Variants in MUC4 observed in about 807,000 individuals in gnomAD.
The protein encoded by MUC4 is mucin 4, cell surface associated, also known as mucin-4.
A neutral mutation model predicts 257.9 loss-of-function variants in MUC4; 202 were observed. The ratio of observed to expected loss-of-function variants is 0.78; its 90% CI spans 0.70 to 0.88. The LOEUF (loss-of-function observed/expected upper bound fraction) is 0.88. Among genes scored for constraint, MUC4 ranks in the 40% least tolerant of loss-of-function variants. MUC4 has a pLI of 0.00. For synonymous variants in MUC4, 2,351 were observed against 2,757.1 expected (o/e 0.85, Z 4.62); for missense variants, 5,976 against 6,513.7 (o/e 0.92, Z 2.84).
At chr3:195,776,354 CCCATACCTTCCACAG>C (rs1724717256) in intron 3 of MUC4, among the ~76,000 whole-genome samples, 1 of 57,574 alleles carries the variant, frequency 1.7e-5, no homozygotes. Context: ...ACCTTCCACA[CCCATACCTTCCACAG>C]CCATACCTTC....
rs200229624 is a variant in MUC4 at position 195,781,619 on chromosome 3, C to G, written c.9961G>C (p.Ala3321Pro). 4.6e-6 allele frequency: 2 copies of G among 438,398 alleles called. No individual in the cohort carries two copies. The highest frequency in any genetic ancestry group is 3.0e-5 in the African/African-American group (1 of 32,938). The allele number at this position is 438,398 out of a possible 1,614,324, so 27.2% of individuals were successfully genotyped here. The change falls in exon 2 of 25, where the codon GCA (alanine) becomes CCA (proline). Residue 3321 changes from alanine (A) to proline (P), a missense_variant. Ala to Pro is a conservative substitution (Grantham distance 27). Around this residue, in one of 44 missense-constraint regions of MUC4, gnomAD observed 72 missense variants for 33.5 expected, o/e 2.15. Transcript: ENST00000463781. ...TPLLVTDASS[A>P]STGHATPLHV... is the part of the protein sequence containing the mutation. The stretch of plus-strand genomic sequence containing the variant: ...AGAGGGGTGGCGTGACCTGTGGATG[C>G]TGAGGAAGCGTCGGTGACAAGAAGA...
In MUC4 at chr3:195,751,430, G is replaced by C. The variant is rs1181671312; in HGVS notation, c.15583-159C>G. The C allele has an allele frequency of 2.8e-5, 18 of 647,244 alleles. 1 individual carries two copies. In the East Asian group the frequency reaches 4.9e-4, roughly 18 times the overall value. 40.1% of individuals were successfully genotyped at this position (647,244 alleles called of 1,614,324 possible). A position where few individuals can be genotyped will look rare whatever the true frequency, so the allele number is the denominator to read the frequency against. The stretch of plus-strand genomic sequence containing the variant: ...CCTGTCTCTGCACCCTTGCACTCTA[G>C]CCTAGCTCAGTGAGTGTCATGGGTC... On this transcript the variant is annotated intron_variant, in intron 21 of 24. Transcript: ENST00000463781.
chr3:195,783,152 A>T lies in MUC4; in HGVS notation c.8428T>A (p.Ser2810Thr). 7.4e-7 allele frequency: 1 copy of T among 1,357,818 alleles called. No individual in the cohort carries two copies. The highest frequency in any genetic ancestry group is 1.4e-5 in the South Asian group (1 of 71,672). 84.1% of individuals were successfully genotyped at this position (1,357,818 alleles called of 1,614,324 possible). ...GGAAGAGAGGTGGCGTGACCTGTGG[A>T]CACTGACGAAGCGTCGGTGACAGGA... ...PLPVTDASSV[S>T]TGHATSLPVT... Residue 2810 changes from serine (S) to threonine (T), a missense_variant, in exon 2 of 25, where the codon TCC becomes ACC. Coordinates refer to ENST00000463781, the MANE Select transcript of MUC4 (RefSeq NM_018406.7).
intron 19 of MUC4, 97 bp downstream of exon 19, chr3:195,754,116 G>A: frequency 7.0e-7 from 1 of 1,437,082 alleles, no homozygotes; most frequent in Non-Finnish European, 9.4e-7. Context: ...AAGATCTGCT[G>A]GAAAAAGGAG....
chr3:195,759,745 C>A (rs139146163), intron 16 of MUC4, among the ~76,000 whole-genome samples: 6 of 152,136 alleles, frequency 3.9e-5, no homozygotes, highest in Admixed American at 3.9e-4. Flanking sequence ...CATGGTGAAA[C>A]CCTGTCTCTA....
intron 1 of MUC4, among the ~76,000 whole-genome samples, chr3:195,798,272 A>G (rs1394307218): frequency 6.6e-6 from 1 of 152,252 alleles, no homozygotes; most frequent in African/African-American, 2.4e-5. Context: ...ACAAAATTGT[A>G]CAACTGCATT....
chr3:195,752,515 G>C, intron 20 of MUC4, 69 bp from the exon 21 acceptor site: 1 of 1,416,996 alleles, frequency 7.1e-7, no homozygotes, highest in South Asian at 1.2e-5. Context: ...AAGTCTGTCG[G>C]GCCAGCCCAA....
chr3:195,789,426 G>T lies in MUC4; in HGVS notation c.2154C>A (p.Ser718Arg), dbSNP rs1211901464. 6.2e-7 allele frequency: 1 copy of T among 1,613,986 alleles called. No individual in the cohort carries two copies. Among genetic ancestry groups the T allele is most frequent in the Non-Finnish European group, 8.5e-7 (1 of 1,179,880 alleles). Residue 718 changes from serine to arginine, a missense_variant, in exon 2 of 25, where the codon AGC becomes AGA. By Grantham distance (110) the Ser-to-Arg change is moderately radical. This residue lies in a region of MUC4 where 1,583 missense variants were observed against 1,257.4 expected (regional missense o/e 1.26). Transcript: ENST00000463781. ...AGGGCCCCAGGGTGGCATCATGGCTGCTGGGTGCTGCCTGCAGTGCTGTGG... is the reference window on the plus strand; with the variant it reads ...AGGGCCCCAGGGTGGCATCATGGCTTCTGGGTGCTGCCTGCAGTGCTGTGG... Reference protein sequence around the residue: ...APTTALQAAPSSHDATLGPSG... With the variant: ...APTTALQAAPRSHDATLGPSG...
chr3:195,781,325 T>C lies in MUC4; in HGVS notation c.10255A>G (p.Thr3419Ala), dbSNP rs1374167135. The change falls in exon 2 of 25, where the codon ACA becomes GCA. Residue 3419 changes from threonine (T) to alanine (A), a missense_variant. Physicochemically the swap from Thr to Ala is moderately conservative, Grantham distance 58. Around this residue, in one of 44 missense-constraint regions of MUC4, gnomAD observed 297 missense variants for 240.9 expected, o/e 1.23. Transcript: ENST00000463781. ...LPVTSPSSAS[T>A]GHATPLPVTS... The stretch of plus-strand genomic sequence containing the variant: ...ACAGGAAGAGGGGTGGCGTGACCTG[T>C]GGATGCTGAGGAAGGGCTAGTGACA... 2 of 1,525,556 alleles carry C rather than the reference T, an allele frequency of 1.3e-6. No individual in the cohort carries two copies. The highest frequency in any genetic ancestry group is 1.4e-5 in the African/African-American group (1 of 69,996). The allele number at this position is 1,525,556 out of a possible 1,614,324, so 94.5% of individuals were successfully genotyped here. A position where few individuals can be genotyped will look rare whatever the true frequency, so the allele number is the denominator to read the frequency against.
At position 195,778,357 on chromosome 3, in the gene MUC4, T is replaced by A. The variant is rs1287984871; in HGVS notation, c.12889A>T (p.Thr4297Ser). ...GCTGTGGAGCGGGTGTGCATGGCAG[T>A]GCTGGGAATGGTGGAAATGATGGTC... is the stretch of plus-strand genomic sequence containing the variant. ...SQTIISTIPS[T>S]AMHTRSTAAP... Residue 4297 changes from threonine (T) to serine (S), a missense_variant, in exon 3 of 25, where the codon ACT (threonine) becomes TCT (serine). By Grantham distance (58) the Thr-to-Ser change is moderately conservative. This residue lies in a region of MUC4 where 233 missense variants were observed against 171.2 expected (regional missense o/e 1.36). Coordinates refer to ENST00000463781, the MANE Select transcript of MUC4 (RefSeq NM_018406.7). 1.9e-6 allele frequency: 3 copies of A among 1,612,852 alleles called. No individual in the cohort carries two copies. Among genetic ancestry groups the A allele is most frequent in the Non-Finnish European group, 1.7e-6 (2 of 1,179,836 alleles).
Position 195,771,560 on chromosome 3 carries a change from C to T in MUC4, c.13242+92G>A, listed in dbSNP as rs1162254859. The stretch of plus-strand genomic sequence containing the variant: ...CAGTCCCCTGCTGCAGGGGCTGTCA[C>T]AGCAGCAACTCTGGCAAAGCCTTCC... On this transcript the variant is annotated intron_variant, in intron 5 of 24. Coordinates refer to ENST00000463781, the MANE Select transcript of MUC4 (RefSeq NM_018406.7). The T allele has an allele frequency of 3.5e-6, 5 of 1,442,998 alleles. No individual in the cohort carries two copies. The African/African-American group carries it at 5.7e-5, about 16-fold the overall frequency. 89.4% of individuals were successfully genotyped at this position (1,442,998 alleles called of 1,614,324 possible). A position where few individuals can be genotyped will look rare whatever the true frequency, so the allele number is the denominator to read the frequency against.
chr3:195,770,233 C>T lies in MUC4; in HGVS notation c.13381G>A (p.Ala4461Thr). The change falls in exon 6 of 25, where the codon GCC becomes ACC. Residue 4461 changes from alanine to threonine, a missense_variant. Ala to Thr is a moderately conservative substitution (Grantham distance 58). Coordinates refer to ENST00000463781, the MANE Select transcript of MUC4 (RefSeq NM_018406.7). ...CTACTCACCCCGAGGGTCCACTGGG[C>T]AGGATAGGCGTGGGCATTGACCCAC... ...VTWVNAHAYPAQWTLGSNTYQ... is the reference protein window; with the variant it reads ...VTWVNAHAYPTQWTLGSNTYQ... The T allele has an allele frequency of 1.2e-6, 2 of 1,610,986 alleles. No homozygotes were observed. The highest frequency in any genetic ancestry group is 1.7e-6 in the Non-Finnish European group (2 of 1,178,822).
intron 17 of MUC4, among the ~76,000 whole-genome samples, chr3:195,758,783 CTGGTCT>C (rs1363073602): frequency 4.0e-5 from 6 of 149,338 alleles, no homozygotes; most frequent in African/African-American, 1.5e-4. Context: ...GTTGGCCAGA[CTGGTCT>C]CGAACTCCTG....
rs758357324 is a variant in MUC4, at chr3:195,788,471, G to T, written c.3109C>A (p.His1037Asn). 6.5e-6 allele frequency: 10 copies of T among 1,541,320 alleles called. No homozygotes were observed. The highest frequency in any genetic ancestry group is 7.9e-6 in the Non-Finnish European group (9 of 1,142,110). ...VTDTSSESTG[H>N]VTPLPVTSFS... ...CTGGTGACAGGAAGAGGGGTGACGT[G>T]ACCTGTGGATTCTGAGGAAGTGTCG... Residue 1037 changes from histidine (H) to asparagine (N), a missense_variant, in exon 2 of 25, where the codon CAC becomes AAC. His to Asn is a moderately conservative substitution (Grantham distance 68). Around this residue, in one of 44 missense-constraint regions of MUC4, gnomAD observed 1,583 missense variants for 1,257.4 expected, o/e 1.26. Coordinates refer to ENST00000463781, the MANE Select transcript of MUC4 (RefSeq NM_018406.7).
Position 195,765,392 on chromosome 3 carries a change from A to T in MUC4, c.13676T>A (p.Leu4559His). The T allele has an allele frequency of 6.2e-7, 1 of 1,613,394 alleles. No homozygotes were observed. The highest frequency in any genetic ancestry group is 1.1e-5 in the South Asian group (1 of 91,058). The change falls in exon 9 of 25, where the codon CTC (leucine) becomes CAC (histidine). Residue 4559 changes from leucine to histidine, a missense_variant. Physicochemically the swap from Leu to His is moderately conservative, Grantham distance 99. Around this residue, in one of 44 missense-constraint regions of MUC4, gnomAD observed 996 missense variants for 1,137.3 expected, o/e 0.88. Coordinates refer to ENST00000463781, the MANE Select transcript of MUC4 (RefSeq NM_018406.7). The part of the protein sequence containing the change: ...LHREERPNYR[L>H]ECLQWLKSQP... ...GCTCTTCAGCCACTGCAGGCACTCG[A>T]GACGGTAGTTGGGCCTTTCTTCCCG...
intron 8 of MUC4, among the ~76,000 whole-genome samples, 163 bp from the exon 9 acceptor site, chr3:195,765,612 C>G (rs577400644): frequency 6.6e-6 from 1 of 152,224 alleles, no homozygotes; most frequent in South Asian, 2.1e-4. Context: ...CAAAGCCCCT[C>G]GCTTGACTTA....
chr3:195,793,501 CAA>C lies in MUC4; in HGVS notation c.83-2006_83-2005del, dbSNP rs63134260. ...TGGGCGACAGAGCAAGATTCTGTCTCAAAAAAAAAATAAATAAATAAAATAAA... is the reference window on the plus strand; with the variant it reads ...TGGGCGACAGAGCAAGATTCTGTCTCAAAAAAAATAAATAAATAAAATAAA... On this transcript the variant is annotated intron_variant, in intron 1 of 24. Transcript: ENST00000463781. Among the ~76,000 whole-genome samples, 348 of 132,266 alleles carry C rather than the reference CAA, an allele frequency of 2.6e-3. 5 individuals are homozygous for C. The highest frequency in any genetic ancestry group is 9.5e-3 in the African/African-American group (318 of 33,460). 86.8% of individuals were successfully genotyped at this position (132,266 alleles called of 152,430 possible).
At chr3:195,797,821 T>C (rs886350052) in intron 1 of MUC4, among the ~76,000 whole-genome samples, 1 of 152,150 alleles carries the variant, frequency 6.6e-6, no homozygotes, top group African/African-American at 2.4e-5. Flanking sequence ...AATAATTGCA[T>C]TCCAGCTGGG....
intron 24 of MUC4, 53 bp downstream of exon 24, chr3:195,748,849 C>T: frequency 1.3e-6 from 2 of 1,491,826 alleles, no homozygotes; most frequent in South Asian, 1.4e-5. Context: ...GTGTCTTGCC[C>T]AGCTTGGGTT....
Sources: allele counts gnomAD v4.1 joint callset (sites outside exome capture counted in the v4.1 genomes callset), GRCh38; gene constraint gnomAD v4.1.1; regional missense constraint gnomAD v4.1.1; transcripts MANE v1.5; gene names NCBI Gene and HGNC (gene_info 2026-07-23, HGNC 2026-07-21).